Variants in CDC14A observed in about 807,000 individuals in gnomAD.
CDC14A encodes the protein cell division cycle 14A, also known as dual specificity protein phosphatase CDC14A.
A neutral mutation model predicts 74.4 loss-of-function variants in CDC14A; 53 were observed. The observed-to-expected ratio is 0.71, with a 90% CI of 0.57 to 0.89. CDC14A has a LOEUF of 0.89. Among genes scored for constraint, CDC14A ranks in the 40% least tolerant of loss-of-function variants. The pLI, the probability that CDC14A is intolerant of heterozygous loss-of-function variation, is 0.00. For missense variants in CDC14A, 646 were observed against 713.7 expected (o/e 0.91, Z 1.08); for synonymous variants, 247 against 258.4 (o/e 0.96, Z 0.43).
intron 4 of CDC14A, among the ~76,000 whole-genome samples, chr1:100,396,204 G>A (rs1377660562): frequency 6.6e-6 from 1 of 152,226 alleles, no homozygotes; most frequent in Non-Finnish European, 1.5e-5. Flanking sequence ...GGGTCCTGGA[G>A]GCTTCTTGCT....
chr1:100,362,433 C>A (rs1652880259), intron 2 of CDC14A, among the ~76,000 whole-genome samples: 1 of 152,048 alleles, frequency 6.6e-6, no homozygotes, highest in Non-Finnish European at 1.5e-5. Context: ...TTTTTTTAAT[C>A]ATACATGAGC....
chr1:100,478,465 A>G (rs1335061521), intron 10 of CDC14A, among the ~76,000 whole-genome samples: 1 of 152,180 alleles, frequency 6.6e-6, no homozygotes, highest in Non-Finnish European at 1.5e-5. Context: ...GGGGATCATC[A>G]TCTGTTAAAG....
intron 4 of CDC14A, among the ~76,000 whole-genome samples, chr1:100,418,858 G>C (rs1661883282): frequency 1.3e-5 from 2 of 152,088 alleles, no homozygotes; most frequent in African/African-American, 4.8e-5. Flanking sequence ...TGTGTTTCAG[G>C]CTCCCAAACC....
Position 100,377,386 on chromosome 1 carries a change from G to T in CDC14A, c.141-160G>T, listed in dbSNP as rs548364966. Among the ~76,000 whole-genome samples the T allele has an allele frequency of 3.3e-5, 5 of 152,188 alleles. No individual in the cohort carries two copies. In the South Asian group the frequency reaches 1.0e-3, roughly 32 times the overall value. On this transcript the variant is annotated intron_variant, in intron 2 of 15. Coordinates refer to ENST00000336454, the MANE Select transcript of CDC14A (RefSeq NM_003672.4). ...TAGTTAGAGTAACTAGAGGGCATTA[G>T]GACGAAACCATTAGTTATTTGGATT... is the stretch of plus-strand genomic sequence containing the variant.
chr1:100,518,208 A>G (rs770890547), intron 15 of CDC14A, 43 bp from the exon 16 acceptor site: 5 of 1,532,432 alleles, frequency 3.3e-6, no homozygotes, highest in African/African-American at 1.4e-5. Context: ...GAAGTTTTAC[A>G]TGTGATGGAA....
chr1:100,385,533 A>T (rs568113128), intron 3 of CDC14A, among the ~76,000 whole-genome samples: 1 of 152,366 alleles, frequency 6.6e-6, no homozygotes, highest in Non-Finnish European at 1.5e-5. Context: ...GAATTATTCA[A>T]ATTCTGAAGC....
rs77384000 is a variant in CDC14A, at chr1:100,392,161, T to G, written c.309+1337T>G. 3.3e-3 allele frequency among the ~76,000 whole-genome samples: 509 copies of G among 152,326 alleles called. 4 individuals are homozygous for G. Among genetic ancestry groups the G allele is most frequent in the African/African-American group, 0.011 (449 of 41,566 alleles). On this transcript the variant is annotated intron_variant, in intron 4 of 15. Coordinates refer to ENST00000336454, the MANE Select transcript of CDC14A (RefSeq NM_003672.4). ...TTTGTAGTGCCAGCCAGGCTATTGC[T>G]TTTATTTTAAGAGCATACATGAAAA...
chr1:100,384,979 G>A (rs774128589), intron 3 of CDC14A, among the ~76,000 whole-genome samples: 2 of 152,114 alleles, frequency 1.3e-5, no homozygotes, highest in Admixed American at 1.3e-4. Flanking sequence ...GCTTAATTAC[G>A]GAATCATTAA....
At chr1:100,436,230 C>G (rs1391341043) in intron 5 of CDC14A, among the ~76,000 whole-genome samples, 1 of 152,092 alleles carries the variant, frequency 6.6e-6, no homozygotes, top group Non-Finnish European at 1.5e-5. Flanking sequence ...ATTAGATGGT[C>G]CCGACTATAT....
At chr1:100,479,983 T>C (rs1669287090) in intron 10 of CDC14A, among the ~76,000 whole-genome samples, 1 of 152,228 alleles carries the variant, frequency 6.6e-6, no homozygotes, top group East Asian at 1.9e-4. Context: ...AATGTTTTAT[T>C]ATGGTAAAAT....
intron 5 of CDC14A, among the ~76,000 whole-genome samples, chr1:100,426,072 TG>T (rs1424881223): frequency 6.6e-6 from 1 of 152,246 alleles, no homozygotes; most frequent in Non-Finnish European, 1.5e-5. Flanking sequence ...GTTTGGTTTT[TG>T]TTTTTCTTGT....
intron 11 of CDC14A, among the ~76,000 whole-genome samples, chr1:100,490,807 T>G (rs1249945124): frequency 6.6e-6 from 1 of 152,196 alleles, no homozygotes; most frequent in East Asian, 1.9e-4. Context: ...AAAATTCTAC[T>G]TCCCTAGAAA....
chr1:100,403,253 A>G (rs1362836307), intron 4 of CDC14A, among the ~76,000 whole-genome samples: 1 of 152,230 alleles, frequency 6.6e-6, no homozygotes, highest in Non-Finnish European at 1.5e-5. Context: ...TCATGAAACA[A>G]TTCTTACAAG....
chr1:100,459,216 T>C (rs1302593086), intron 8 of CDC14A, among the ~76,000 whole-genome samples: 2 of 152,128 alleles, frequency 1.3e-5, no homozygotes, highest in East Asian at 3.9e-4. Context: ...AGAAGCCCAG[T>C]GTCCCGTTTA....
intron 2 of CDC14A, among the ~76,000 whole-genome samples, chr1:100,375,473 G>A (rs2100941796): frequency 6.6e-6 from 1 of 152,312 alleles, no homozygotes. Context: ...TGATTGGGAA[G>A]GGGAGAGAGA....
rs144428097 is a variant in CDC14A, at chr1:100,453,676, G to A, written c.520-1729G>A. 4.2e-3 allele frequency among the ~76,000 whole-genome samples: 633 copies of A among 152,286 alleles called. 6 individuals carry two copies. Among genetic ancestry groups the A allele is most frequent in the African/African-American group, 0.014 (583 of 41,542 alleles). On this transcript the variant is annotated intron_variant, in intron 7 of 15. Transcript: ENST00000336454. ...TTCCTTTGAGACAGAGTCTCACTCTGTGGCCCAAGCTGGAGTGCAATGGTG... is the reference window on the plus strand; with the variant it reads ...TTCCTTTGAGACAGAGTCTCACTCTATGGCCCAAGCTGGAGTGCAATGGTG...
chr1:100,352,451 GGGA>G (rs1254344370), upstream of CDC14A: 15 of 1,009,542 alleles, frequency 1.5e-5, no homozygotes, highest in South Asian at 4.0e-5. Context: ...CGGACCCAGG[GGGA>G]GGAGGAGGAG....
At chr1:100,487,722 T>C (rs72986254) in intron 11 of CDC14A, among the ~76,000 whole-genome samples, 8,232 of 152,206 alleles carry the variant, frequency 0.054, 744 homozygotes, top group African/African-American at 0.19. Context: ...CTTAGAGTTA[T>C]GAGAAATAAA....
intron 5 of CDC14A, among the ~76,000 whole-genome samples, chr1:100,431,707 A>G (rs1663708376): frequency 6.6e-6 from 1 of 151,958 alleles, no homozygotes; most frequent in South Asian, 2.1e-4. Context: ...AAAATTAGTC[A>G]GGGGTAGTGG....
Sources: allele counts gnomAD v4.1 joint callset (sites outside exome capture counted in the v4.1 genomes callset), GRCh38; gene constraint gnomAD v4.1.1; transcripts MANE v1.5; gene names NCBI Gene and HGNC (gene_info 2026-07-23, HGNC 2026-07-21).